Variants in PAM observed in about 807,000 individuals in gnomAD.
PAM encodes the protein peptidylglycine alpha-amidating monooxygenase, also known as peptidyl-glycine alpha-amidating monooxygenase.
A neutral mutation model predicts 122.1 loss-of-function variants in PAM; 72 were observed. The ratio of observed to expected loss-of-function variants is 0.59; its 90% CI spans 0.49 to 0.72. The LOEUF is 0.72. PAM is among the 30% of genes least tolerant of loss of function. The pLI is 0.00. For synonymous variants in PAM, 389 were observed against 404.4 expected, an observed-to-expected ratio of 0.96 and a Z score of 0.46; for missense variants, 1,106 against 1,183.7, an observed-to-expected ratio of 0.93 and a Z score of 0.96.
chr5:103,029,415 A>C lies in PAM; in HGVS notation c.*350A>C. 1 of 173,400 alleles carries C rather than the reference A, an allele frequency of 5.8e-6. No homozygotes were observed. Among genetic ancestry groups the C allele is most frequent in the Non-Finnish European group, 1.2e-5 (1 of 82,376 alleles). 10.7% of individuals were successfully genotyped at this position (173,400 alleles called of 1,614,324 possible). ...CTTTGCTTGAACACAGTATTTTCCC[A>C]ATAGCACTTTCATTGCCAGTGTCTT... On this transcript the variant is annotated 3_prime_UTR_variant, in exon 26 of 26. Transcript: ENST00000438793.
intron 6 of PAM, among the ~76,000 whole-genome samples, chr5:102,925,572 G>A (rs569703528): frequency 4.7e-4 from 71 of 152,206 alleles, no homozygotes; most frequent in Non-Finnish European, 8.7e-4. Context: ...TAGGTCTGTC[G>A]TGGTTCATGG....
intron 7 of PAM, among the ~76,000 whole-genome samples, chr5:102,939,697 C>T (rs888270282): frequency 6.6e-6 from 1 of 151,966 alleles, no homozygotes; most frequent in Non-Finnish European, 1.5e-5. Context: ...AAAATTAATA[C>T]TAAATCAAAT....
At chr5:102,923,318 G>A (rs1358337454) in intron 5 of PAM, among the ~76,000 whole-genome samples, 5 of 152,166 alleles carry the variant, frequency 3.3e-5, no homozygotes. Context: ...TGTTTTCTGT[G>A]TTTCTGGCTT....
At chr5:102,931,725 T>C (rs1452746711) in intron 7 of PAM, among the ~76,000 whole-genome samples, 1 of 152,172 alleles carries the variant, frequency 6.6e-6, no homozygotes, top group African/African-American at 2.4e-5. Context: ...TGTCAAGACT[T>C]CCAAACTATA....
intron 3 of PAM, among the ~76,000 whole-genome samples, chr5:102,899,310 T>C (rs1797026962): frequency 6.6e-6 from 1 of 151,662 alleles, no homozygotes. Flanking sequence ...CAGGTTCCTT[T>C]ATTCTCTGTA....
intron 23 of PAM, among the ~76,000 whole-genome samples, chr5:103,021,944 A>T (rs1367542503): frequency 1.3e-5 from 2 of 152,122 alleles, no homozygotes; most frequent in East Asian, 3.8e-4. Flanking sequence ...AATTATTATT[A>T]AAAAGGTTTC....
At position 102,904,561 on chromosome 5, in the gene PAM, C is replaced by T. The variant is rs146630450; in HGVS notation, c.268+3148C>T. On this transcript the variant is annotated intron_variant, in intron 4 of 25. Transcript: ENST00000438793. ...CTTGTGTTTATGAAAAGCCATTGTGCATGAATTCAGCAAACTTAAAATTCT... is the reference window on the plus strand; with the variant it reads ...CTTGTGTTTATGAAAAGCCATTGTGTATGAATTCAGCAAACTTAAAATTCT... Among the ~76,000 whole-genome samples, 630 of 151,616 alleles carry T rather than the reference C, an allele frequency of 4.2e-3. 8 individuals carry two copies. Among genetic ancestry groups the T allele is most frequent in the African/African-American group, 0.014 (594 of 41,442 alleles).
In PAM at chr5:103,024,473, A is replaced by G. The variant is rs540480395; in HGVS notation, c.2486-658A>G. ...GTACTCACATTTTGCTGAAAACAATATAAAAGAGCCTGAAAAGCACATAGT... is the reference window on the plus strand; with the variant it reads ...GTACTCACATTTTGCTGAAAACAATGTAAAAGAGCCTGAAAAGCACATAGT... On this transcript the variant is annotated intron_variant, in intron 23 of 25. Transcript: ENST00000438793. 4.6e-5 allele frequency among the ~76,000 whole-genome samples: 7 copies of G among 152,320 alleles called. No individual in the cohort carries two copies. In the East Asian group the frequency reaches 1.3e-3, roughly 29 times the overall value.
intron 1 of PAM, among the ~76,000 whole-genome samples, chr5:102,778,819 G>A (rs920596417): frequency 6.6e-6 from 1 of 152,100 alleles, no homozygotes; most frequent in Non-Finnish European, 1.5e-5. Context: ...GGTTCCCATG[G>A]TAATATTTTA....
intron 4 of PAM, among the ~76,000 whole-genome samples, chr5:102,909,558 T>C (rs1800755920): frequency 6.6e-6 from 1 of 151,742 alleles, no homozygotes. Flanking sequence ...AATTCGCCCG[T>C]GAAACCTTTA....
rs760172098 is a variant in PAM at position 103,028,914 on chromosome 5, G to C, written c.2771G>C (p.Gly924Ala). 6.2e-7 allele frequency: 1 copy of C among 1,610,976 alleles called. No homozygotes were observed. Among genetic ancestry groups the C allele is most frequent in the Non-Finnish European group, 8.5e-7 (1 of 1,178,898 alleles). The stretch of plus-strand genomic sequence containing the variant: ...AAGGGAAGTGGAGGCTTAAACCTTG[G>C]TAATTTCTTTGCAAGCCGTAAGGGC... ...RGKGSGGLNLGNFFASRKGYS... is the reference protein window; with the variant it reads ...RGKGSGGLNLANFFASRKGYS... The change falls in exon 26 of 26, where the codon GGT (glycine) becomes GCT (alanine). Residue 924 changes from glycine (G) to alanine (A), a missense_variant. Around this residue, in one of 3 missense-constraint regions of PAM, gnomAD observed 333 missense variants for 335.6 expected, o/e 0.99. Coordinates refer to ENST00000438793, the MANE Select transcript of PAM (RefSeq NM_001177306.2).
chr5:102,759,098 G>A (rs1328159305), intron 1 of PAM, among the ~76,000 whole-genome samples: 4 of 152,134 alleles, frequency 2.6e-5, no homozygotes, highest in African/African-American at 9.7e-5. Flanking sequence ...TGTAAACAGA[G>A]AATTATAAAT....
intron 1 of PAM, among the ~76,000 whole-genome samples, chr5:102,760,599 T>C (rs111680949): frequency 0.029 from 4,368 of 152,356 alleles, 109 homozygotes; most frequent in East Asian, 0.13. Context: ...GATACTGTAC[T>C]GGGCAGAGAA....
Position 102,959,747 on chromosome 5 carries a change from A to G in PAM, c.906-128A>G, listed in dbSNP as rs538983222. 4 of 628,038 alleles carry G rather than the reference A, an allele frequency of 6.4e-6. No individual in the cohort carries two copies. In the Admixed American group the frequency reaches 8.8e-5, roughly 14 times the overall value. The allele number at this position is 628,038 out of a possible 1,614,324, so 38.9% of individuals were successfully genotyped here. On this transcript the variant is annotated intron_variant, in intron 12 of 25. Transcript: ENST00000438793. ...ACTGTGATGGGTTTTAATGAAAGCT[A>G]TAAAATAAATGCACAATATTTCTAC...
At chr5:102,798,500 T>G (rs1580251288) in intron 1 of PAM, among the ~76,000 whole-genome samples, 1 of 152,354 alleles carries the variant, frequency 6.6e-6, no homozygotes, top group Non-Finnish European at 1.5e-5. Context: ...TTCTTTAAAT[T>G]TAGGCACTAA....
At chr5:103,026,124 A>G (rs112602624) in intron 24 of PAM, among the ~76,000 whole-genome samples, 14 of 152,200 alleles carry the variant, frequency 9.2e-5, no homozygotes, top group Admixed American at 9.2e-4. Flanking sequence ...TGAAATCATT[A>G]TCACAATATA....
chr5:102,946,876 C>T lies in PAM; in HGVS notation c.566C>T (p.Thr189Ile). 1 of 1,600,560 alleles carries T rather than the reference C, an allele frequency of 6.2e-7. No homozygotes were observed. Among genetic ancestry groups the T allele is most frequent in the Admixed American group, 1.7e-5 (1 of 59,814 alleles). The change falls in exon 8 of 26, where the codon ACA (threonine) becomes ATA (isoleucine). Residue 189 changes from threonine to isoleucine, a missense_variant. By Grantham distance (89) the Thr-to-Ile change is moderately conservative (BLOSUM62 -1). Around this residue, in one of 3 missense-constraint regions of PAM, gnomAD observed 670 missense variants for 690.3 expected, o/e 0.97. Coordinates refer to ENST00000438793, the MANE Select transcript of PAM (RefSeq NM_001177306.2). ...TGTTCTGGTGTGTCCTTACACCTCA[C>T]ACGTCTGCCGTAAGTACTTCCATTT... ...KDCSGVSLHLTRLPQPLIAGM... is the reference protein window; with the variant it reads ...KDCSGVSLHLIRLPQPLIAGM...
chr5:103,023,801 G>A (rs1324631830), intron 23 of PAM, among the ~76,000 whole-genome samples: 1 of 152,080 alleles, frequency 6.6e-6, no homozygotes, highest in African/African-American at 2.4e-5. Context: ...TAAAGGAAAC[G>A]ATGCCTGACA....
At chr5:102,915,301 G>A (rs55641526) in intron 5 of PAM, among the ~76,000 whole-genome samples, 43,281 of 151,810 alleles carry the variant, frequency 0.29, 6,473 homozygotes, top group East Asian at 0.44. Context: ...TGTCGTTTTT[G>A]TAATAAACAA....
Sources: gnomAD v4.1 joint callset for allele counts (sites outside exome capture counted in the v4.1 genomes callset) on GRCh38, gnomAD v4.1.1 for gene constraint, gnomAD v4.1.1 regional missense constraint, MANE v1.5 for transcripts, NCBI Gene and HGNC (gene_info 2026-07-23, HGNC 2026-07-21) for gene names.